The following SUGCT variants were observed in gnomAD, a reference collection of about 807,000 sequenced individuals.
SUGCT encodes the protein succinyl-CoA:glutarate-CoA transferase.
In SUGCT, 41 loss-of-function variants were observed where a neutral mutation model predicts 55.0. The ratio of observed to expected loss-of-function variants is 0.74; its 90% CI spans 0.58 to 0.97. The LOEUF (loss-of-function observed/expected upper bound fraction) is 0.97. SUGCT is among the 50% of genes least tolerant of loss of function. SUGCT has a pLI of 0.00. For synonymous variants in SUGCT, 187 were observed against 200.4 expected (o/e 0.93, Z 0.56); for missense variants, 568 against 547.8 (o/e 1.04, Z -0.37).
intron 9 of SUGCT, among the ~76,000 whole-genome samples, chr7:40,344,159 G>C (rs1038624891): frequency 6.6e-6 from 1 of 152,104 alleles, no homozygotes; most frequent in African/African-American, 2.4e-5. Flanking sequence ...GATTTAAATT[G>C]GCAGCTTAGG....
At chr7:40,841,764 A>G (rs915177462) in intron 13 of SUGCT, among the ~76,000 whole-genome samples, 1 of 152,226 alleles carries the variant, frequency 6.6e-6, no homozygotes, top group African/African-American at 2.4e-5. Context: ...GGCTGAGGAT[A>G]TCCTAAACAT....
At chr7:40,877,280 G>T in the SUGCT span, among the ~76,000 whole-genome samples, 1 of 152,272 alleles carries the variant, frequency 6.6e-6, no homozygotes, top group African/African-American at 2.4e-5. Flanking sequence ...ATACCCAAAT[G>T]CGTGTCTGTA....
At chr7:40,394,490 A>G (rs186874270) in intron 9 of SUGCT, among the ~76,000 whole-genome samples, 51 of 152,336 alleles carry the variant, frequency 3.3e-4, no homozygotes, top group African/African-American at 1.1e-3. Context: ...CATAAATTAT[A>G]TAGATTTATA....
intron 1 of SUGCT, among the ~76,000 whole-genome samples, chr7:40,160,262 T>G (rs1007990934): frequency 1.3e-5 from 2 of 152,124 alleles, no homozygotes; most frequent in South Asian, 4.1e-4. Flanking sequence ...GGAGACCCGC[T>G]TTGTCGCCCA....
chr7:40,742,425 A>G (rs3857748), intron 12 of SUGCT, among the ~76,000 whole-genome samples: 69,758 of 151,836 alleles, frequency 0.46, 16,395 homozygotes, highest in East Asian at 0.6. Context: ...TGGTTTCAGG[A>G]TGATTCAAGG....
the SUGCT span, among the ~76,000 whole-genome samples, chr7:40,939,129 G>T: frequency 6.6e-6 from 1 of 152,264 alleles, no homozygotes; most frequent in Admixed American, 6.5e-5. Context: ...ACGTGGGTGG[G>T]GAAGCCTCAC....
At chr7:40,603,903 G>T (rs1798408298) in intron 12 of SUGCT, among the ~76,000 whole-genome samples, 1 of 152,090 alleles carries the variant, frequency 6.6e-6, no homozygotes, top group Admixed American at 6.5e-5. Flanking sequence ...AAATTCCTCA[G>T]TGGCTTCTCG....
At chr7:40,492,753 G>T (rs1001572785) in intron 11 of SUGCT, among the ~76,000 whole-genome samples, 1 of 152,050 alleles carries the variant, frequency 6.6e-6, no homozygotes, top group African/African-American at 2.4e-5. Flanking sequence ...TCCTGCCTCC[G>T]TGGGTCCAGT....
the SUGCT span, among the ~76,000 whole-genome samples, chr7:40,973,236 G>A: frequency 1.3e-5 from 2 of 152,078 alleles, no homozygotes; most frequent in African/African-American, 4.8e-5. Flanking sequence ...CTGGACAGGT[G>A]GTATGTTCTG....
chr7:41,002,089 C>T, the SUGCT span, among the ~76,000 whole-genome samples: 5 of 152,280 alleles, frequency 3.3e-5, no homozygotes, highest in South Asian at 2.1e-4. Context: ...GGTATAATCT[C>T]GGCTCACTAT....
chr7:40,171,014 C>G (rs1008145674), intron 1 of SUGCT, among the ~76,000 whole-genome samples: 4 of 152,192 alleles, frequency 2.6e-5, no homozygotes, highest in African/African-American at 9.7e-5. Flanking sequence ...GCTGCCCCAT[C>G]AAGATGCAAC....
chr7:40,734,481 T>A (rs1169950133), intron 12 of SUGCT, among the ~76,000 whole-genome samples: 2 of 152,168 alleles, frequency 1.3e-5, no homozygotes, highest in African/African-American at 4.8e-5. Flanking sequence ...GAAAAATCTG[T>A]TTCACTGTGT....
chr7:40,367,277 AG>A (rs1280445057), intron 9 of SUGCT, among the ~76,000 whole-genome samples: 38 of 78,846 alleles, frequency 4.8e-4, no homozygotes, highest in East Asian at 2.2e-3. Flanking sequence ...GGGTGGGGGG[AG>A]GGGGGGAGGA....
chr7:40,187,956 G>A (rs1396467904), intron 3 of SUGCT, among the ~76,000 whole-genome samples: 1 of 151,868 alleles, frequency 6.6e-6, no homozygotes, highest in Non-Finnish European at 1.5e-5. Flanking sequence ...TTTGAAGTCA[G>A]GAGTTTGAGA....
chr7:40,199,335 C>A (rs1786463631), intron 6 of SUGCT, among the ~76,000 whole-genome samples: 1 of 152,064 alleles, frequency 6.6e-6, no homozygotes, highest in Non-Finnish European at 1.5e-5. Context: ...GGAGGAAGGA[C>A]CTGATTATTT....
the SUGCT span, among the ~76,000 whole-genome samples, chr7:40,937,712 C>A: frequency 6.6e-6 from 1 of 151,966 alleles, no homozygotes; most frequent in East Asian, 1.9e-4. Context: ...TTAGTATGTC[C>A]GTTCTAGCTC....
At chr7:40,716,941 C>T (rs796722820) in intron 12 of SUGCT, among the ~76,000 whole-genome samples, 3 of 150,750 alleles carry the variant, frequency 2.0e-5, no homozygotes, top group Non-Finnish European at 2.9e-5. Context: ...TGTTAAAATG[C>T]GAAAGAAAAA....
intron 12 of SUGCT, among the ~76,000 whole-genome samples, chr7:40,606,050 G>A (rs1431693059): frequency 6.6e-6 from 1 of 152,150 alleles, no homozygotes; most frequent in African/African-American, 2.4e-5. Context: ...GAGTGTGAGG[G>A]CTGCTTTTCA....
intron 12 of SUGCT, among the ~76,000 whole-genome samples, chr7:40,739,242 T>G (rs1787337203): frequency 6.6e-6 from 1 of 152,084 alleles, no homozygotes; most frequent in South Asian, 2.1e-4. Context: ...GCACCTCCCT[T>G]CCCTCCACTC....
Sources: allele counts gnomAD v4.1 joint callset (sites outside exome capture counted in the v4.1 genomes callset), GRCh38; gene constraint gnomAD v4.1.1; transcripts MANE v1.5; gene names NCBI Gene and HGNC (gene_info 2026-07-23, HGNC 2026-07-21).